DUSP22: variants seen among roughly 807,000 people sequenced by gnomAD.
DUSP22 encodes the protein dual specificity phosphatase 22, also known as dual specificity protein phosphatase 22.
Under a neutral mutation model 24.5 loss-of-function variants are expected in DUSP22, and 24 were observed. The ratio of observed to expected loss-of-function variants is 0.98; its 90% confidence interval spans 0.71 to 1.38. The LOEUF (loss-of-function observed/expected upper bound fraction) is 1.38. DUSP22 is among the 40% of genes most tolerant of loss of function. DUSP22 has a pLI of 0.00. For synonymous variants in DUSP22, 160 were observed against 106.4 expected, an observed-to-expected ratio of 1.50 and a Z score of -3.10; for missense variants, 330 against 269.2, an observed-to-expected ratio of 1.23 and a Z score of -1.58.
At chr6:299,736 G>A (rs1239519849) in intron 1 of DUSP22, among the ~76,000 whole-genome samples, 1 of 152,306 alleles carries the variant, frequency 6.6e-6, no homozygotes, top group Non-Finnish European at 1.5e-5. Context: ...TGCCTCCTCA[G>A]GTCAGACTTC....
At chr6:326,277 G>A (rs76922479) in intron 3 of DUSP22, 183 of 237,730 alleles carry the variant, frequency 7.7e-4, no homozygotes, top group East Asian at 2.1e-3. Context: ...GGGCTTCTGC[G>A]TCCTGGTGTG....
chr6:332,977 G>A (rs1284708137), intron 3 of DUSP22, among the ~76,000 whole-genome samples: 17 of 152,290 alleles, frequency 1.1e-4, no homozygotes, highest in Admixed American at 2.6e-4. Context: ...TTTCAATGGT[G>A]GCTGCAGGAG....
chr6:300,043 A>G (rs1430523541), intron 1 of DUSP22, among the ~76,000 whole-genome samples: 2 of 152,308 alleles, frequency 1.3e-5, no homozygotes, highest in African/African-American at 4.8e-5. Flanking sequence ...AGATACAGGC[A>G]GCAGGTAGAG....
chr6:327,288 C>G (rs1295096573), intron 3 of DUSP22, among the ~76,000 whole-genome samples: 1 of 152,306 alleles, frequency 6.6e-6, no homozygotes, highest in African/African-American at 2.4e-5. Flanking sequence ...TGTGTGGGAG[C>G]GTGCACTCAC....
At chr6:340,855 C>G (rs1367886850) in intron 4 of DUSP22, among the ~76,000 whole-genome samples, 1 of 152,420 alleles carries the variant, frequency 6.6e-6, no homozygotes, top group East Asian at 1.9e-4. Context: ...ATTGAGGCCT[C>G]CAAATCTTGC....
intron 3 of DUSP22, among the ~76,000 whole-genome samples, chr6:320,766 G>A (rs1758549095): frequency 6.6e-6 from 1 of 152,298 alleles, no homozygotes. Flanking sequence ...GCAGGTCAGG[G>A]AGGGGGAGAT....
chr6:324,210 C>T (rs1034258273), intron 3 of DUSP22, among the ~76,000 whole-genome samples: 1 of 152,308 alleles, frequency 6.6e-6, no homozygotes, highest in African/African-American at 2.4e-5. Flanking sequence ...ACTCTCTTCC[C>T]CTGTGCTTCC....
intron 1 of DUSP22, among the ~76,000 whole-genome samples, chr6:297,402 G>C (rs1581140065): frequency 6.6e-6 from 1 of 152,428 alleles, no homozygotes; most frequent in East Asian, 1.9e-4. Flanking sequence ...GATGGCTCTT[G>C]CCCTGTTAGG....
intron 1 of DUSP22, among the ~76,000 whole-genome samples, chr6:297,952 T>C (rs1757417374): frequency 6.6e-6 from 1 of 152,308 alleles, no homozygotes; most frequent in Admixed American, 6.5e-5. Context: ...GATCCTGTAG[T>C]GAGCTGTTAA....
At chr6:348,057 G>C (rs1310386280) in intron 5 of DUSP22, 46 bp from the exon 6 acceptor site, 2 of 1,608,556 alleles carry the variant, frequency 1.2e-6, no homozygotes, top group African/African-American at 1.3e-5. Flanking sequence ...GATGAACCCG[G>C]AGATCTGAAA....
intron 2 of DUSP22, among the ~76,000 whole-genome samples, chr6:310,436 G>A (rs1758026995): frequency 6.6e-6 from 1 of 152,300 alleles, no homozygotes; most frequent in Non-Finnish European, 1.5e-5. Flanking sequence ...TTGCAGGTAG[G>A]GACATTGGAA....
At chr6:301,400 T>C (rs937319145) in intron 1 of DUSP22, among the ~76,000 whole-genome samples, 8 of 152,290 alleles carry the variant, frequency 5.3e-5, no homozygotes, top group African/African-American at 1.7e-4. Context: ...AAGAAAGAAG[T>C]TGGGGGAAAT....
Position 333,447 on chromosome 6 carries a change from C to T in DUSP22, c.139-1667C>T, listed in dbSNP as rs908489858. ...TGTACAGAAACTGTGAGGGAGAAAA[C>T]GTTTTTGATTCAAAGCATACAGAAA... On this transcript the variant is annotated intron_variant, in intron 3 of 6. Coordinates refer to ENST00000419235, the MANE Select transcript of DUSP22 (RefSeq NM_001286555.3). 3.3e-5 allele frequency among the ~76,000 whole-genome samples: 5 copies of T among 152,404 alleles called. No individual in the cohort carries two copies. The South Asian group carries it at 6.2e-4, about 19-fold the overall frequency.
intron 1 of DUSP22, among the ~76,000 whole-genome samples, chr6:299,991 C>T (rs1408623175): frequency 2.0e-5 from 3 of 152,306 alleles, no homozygotes. Flanking sequence ...GAGTACCTAC[C>T]CAAGGGAGAA....
chr6:345,268 C>G (rs976673120), intron 4 of DUSP22, among the ~76,000 whole-genome samples: 4 of 148,314 alleles, frequency 2.7e-5, no homozygotes, highest in Non-Finnish European at 5.9e-5. Flanking sequence ...GGAGTGCAGT[C>G]GTGTGATCTT....
intron 2 of DUSP22, among the ~76,000 whole-genome samples, chr6:308,616 A>G (rs1757932585): frequency 6.6e-6 from 1 of 152,418 alleles, no homozygotes; most frequent in South Asian, 2.1e-4. Flanking sequence ...TCAGAAATGT[A>G]TGCTTTTTTC....
intron 4 of DUSP22, among the ~76,000 whole-genome samples, chr6:339,744 C>A (rs1204656410): frequency 6.6e-6 from 1 of 152,304 alleles, no homozygotes; most frequent in Non-Finnish European, 1.5e-5. Context: ...ATCGGTAAAA[C>A]GTCCTTGCCT....
chr6:315,941 A>G (rs982364667), intron 3 of DUSP22, among the ~76,000 whole-genome samples: 10 of 152,310 alleles, frequency 6.6e-5, no homozygotes, highest in Non-Finnish European at 1.5e-4. Context: ...GGCTTGGAGC[A>G]GGTGGCAAAT....
At chr6:343,445 G>A (rs1255953505) in intron 4 of DUSP22, among the ~76,000 whole-genome samples, 5 of 143,022 alleles carry the variant, frequency 3.5e-5, no homozygotes, top group African/African-American at 1.3e-4. Flanking sequence ...GTCTGCTCAC[G>A]CTGCTGTGGC....
Sources: gnomAD v4.1 joint callset for allele counts (sites outside exome capture counted in the v4.1 genomes callset) on GRCh38, gnomAD v4.1.1 for gene constraint, MANE v1.5 for transcripts, NCBI Gene and HGNC (gene_info 2026-07-23, HGNC 2026-07-21) for gene names.